Variants in JAK2 observed in about 807,000 individuals in gnomAD.
JAK2 encodes the protein Janus kinase 2.
JAK2 carries 86 observed loss-of-function variants against 139.3 expected under a neutral mutation model. The ratio of observed to expected loss-of-function variants is 0.62; its 90% CI spans 0.52 to 0.74. JAK2 has a LOEUF of 0.74. Among genes scored for constraint, JAK2 ranks in the 30% least tolerant of loss-of-function variants. The pLI is 0.00. For missense variants in JAK2, 1,421 were observed against 1,360.3 expected, an observed-to-expected ratio of 1.04 and a Z score of -0.70; for synonymous variants, 490 against 437.7, an observed-to-expected ratio of 1.12 and a Z score of -1.49.
chr9:5,020,864 G>A (rs1822374984), intron 2 of JAK2, among the ~76,000 whole-genome samples: 1 of 152,146 alleles, frequency 6.6e-6, no homozygotes, highest in Non-Finnish European at 1.5e-5. Context: ...GGGCTGTTGG[G>A]CTCCAGGGTA....
intron 2 of JAK2, among the ~76,000 whole-genome samples, chr9:4,986,314 G>C (rs558026505): frequency 1.3e-4 from 20 of 152,202 alleles, no homozygotes; most frequent in Non-Finnish European, 2.6e-4. Context: ...AGCAGCCAGA[G>C]ATTCTTAATC....
intron 19 of JAK2, among the ~76,000 whole-genome samples, chr9:5,089,379 ATACAAAAAATTAGC>A (rs1820386134): frequency 6.6e-6 from 1 of 152,002 alleles, no homozygotes; most frequent in South Asian, 2.1e-4. Context: ...TCTACTAAAT[ATACAAAAAATTAGC>A]TGGGCGTATT....
intron 14 of JAK2, among the ~76,000 whole-genome samples, chr9:5,075,420 G>T (rs1429518564): frequency 6.6e-6 from 1 of 152,180 alleles, no homozygotes. Flanking sequence ...CTTGCTAAGG[G>T]CCAATGCCAT....
In JAK2 at chr9:5,127,584, T is replaced by G. The variant is rs1824080217; in HGVS notation, c.*793T>G. 1 of 231,526 alleles carries G rather than the reference T, an allele frequency of 4.3e-6. No homozygotes were observed. Among genetic ancestry groups the G allele is most frequent in the African/African-American group, 2.2e-5 (1 of 45,248 alleles). 14.3% of individuals were successfully genotyped at this position (231,526 alleles called of 1,614,324 possible). Reference sequence around the variant, plus strand: ...TTTTTTAAATGGAACTATCTCCAAATTTTTCTAAGACTACTATGAACAGTT... The same window carrying G: ...TTTTTTAAATGGAACTATCTCCAAAGTTTTCTAAGACTACTATGAACAGTT... On this transcript the variant is annotated 3_prime_UTR_variant, in exon 25 of 25. Transcript: ENST00000381652.
intron 9 of JAK2, 108 bp from the exon 10 acceptor site, chr9:5,066,570 G>C (rs1291368854): frequency 1.5e-6 from 1 of 666,564 alleles, no homozygotes; most frequent in Non-Finnish European, 2.7e-6. Flanking sequence ...AAGTAGAGGA[G>C]ACAATTCTGA....
chr9:5,101,422 G>A (rs1194535128), intron 22 of JAK2, among the ~76,000 whole-genome samples: 1 of 152,242 alleles, frequency 6.6e-6, no homozygotes, highest in Admixed American at 6.5e-5. Flanking sequence ...TGCAAGGCCT[G>A]CTGCCTTTGT....
chr9:5,027,858 C>G (rs1039589918), intron 3 of JAK2, among the ~76,000 whole-genome samples: 1 of 152,206 alleles, frequency 6.6e-6, no homozygotes, highest in African/African-American at 2.4e-5. Flanking sequence ...TCAGTCACGT[C>G]TTCAAGCTCC....
rs567545486 is a variant in JAK2 at position 5,086,886 on chromosome 9, A to G, written c.2572-2788A>G. Among the ~76,000 whole-genome samples the G allele has an allele frequency of 6.6e-5, 10 of 152,304 alleles. No individual in the cohort carries two copies. In the South Asian group the frequency reaches 1.0e-3, roughly 16 times the overall value. On this transcript the variant is annotated intron_variant, in intron 19 of 24. Transcript: ENST00000381652. The stretch of plus-strand genomic sequence containing the variant: ...TTGTATCAAGCGCGTTTAAATGTTC[A>G]TATCTTTTAAACTACTTTCGCTGGT...
In JAK2 at chr9:5,072,496, A is replaced by G; in HGVS notation, c.1646A>G (p.Glu549Gly). The G allele has an allele frequency of 6.4e-7, 1 of 1,563,746 alleles. No homozygotes were observed. Residue 549 changes from glutamate to glycine, a missense_variant, in exon 13 of 25, where the codon GAA becomes GGA. Physicochemically the swap from Glu to Gly is moderately conservative, Grantham distance 98 (BLOSUM62 -2). Transcript: ENST00000381652. ...KIRNEDLIFN[E>G]SLGQGTFTKI... is the part of the protein sequence containing the mutation. Reference sequence around the variant, plus strand: ...TTTTACCTTTTTCTCTTGAAGAATGAAAGCCTTGGCCAAGGCACTTTTACA... The same window carrying G: ...TTTTACCTTTTTCTCTTGAAGAATGGAAGCCTTGGCCAAGGCACTTTTACA...
intron 2 of JAK2, among the ~76,000 whole-genome samples, chr9:5,014,291 A>C (rs1821905340): frequency 6.6e-6 from 1 of 151,226 alleles, no homozygotes; most frequent in Non-Finnish European, 1.5e-5. Context: ...GGTGTGAGCC[A>C]CTGTACCCAG....
chr9:5,069,285 GATTTCA>G, intron 11 of JAK2, 77 bp downstream of exon 11: 2 of 876,452 alleles, frequency 2.3e-6, no homozygotes, highest in Non-Finnish European at 3.5e-6. Context: ...TCAGTACATT[GATTTCA>G]AAGGATATAT....
chr9:5,097,239 C>T (rs1420321921), intron 22 of JAK2: 1 of 152,156 alleles, frequency 6.6e-6, no homozygotes, highest in East Asian at 1.9e-4. Context: ...TACAGCAATC[C>T]TACTCCTTTC....
At chr9:5,045,434 A>G (rs1816935560) in intron 5 of JAK2, among the ~76,000 whole-genome samples, 1 of 152,168 alleles carries the variant, frequency 6.6e-6, no homozygotes, top group Non-Finnish European at 1.5e-5. Flanking sequence ...AAAAATGACC[A>G]TTTTAACCAT....
intron 19 of JAK2, among the ~76,000 whole-genome samples, chr9:5,084,715 A>C (rs1449144363): frequency 6.6e-6 from 1 of 152,164 alleles, no homozygotes; most frequent in South Asian, 2.1e-4. Flanking sequence ...TATTTGTGTA[A>C]TAGCCTTACA....
intron 23 of JAK2, 102 bp from the exon 24 acceptor site, chr9:5,126,231 G>C: frequency 1.4e-6 from 1 of 701,168 alleles, no homozygotes; most frequent in Non-Finnish European, 2.4e-6. Context: ...ACATACAAAA[G>C]CACACATATA....
intron 22 of JAK2, among the ~76,000 whole-genome samples, chr9:5,103,464 T>C (rs1322075944): frequency 9.9e-5 from 15 of 151,814 alleles, no homozygotes. Flanking sequence ...TCCCACACAA[T>C]AATAATGGGA....
At chr9:5,079,807 A>G (rs1026627585) in intron 16 of JAK2, among the ~76,000 whole-genome samples, 1 of 152,026 alleles carries the variant, frequency 6.6e-6, no homozygotes, top group African/African-American at 2.4e-5. Flanking sequence ...TGACACAGTG[A>G]CACCCTGTCT....
intron 2 of JAK2, among the ~76,000 whole-genome samples, chr9:4,988,649 A>G (rs141979262): frequency 6.6e-6 from 1 of 152,286 alleles, no homozygotes; most frequent in African/African-American, 2.4e-5. Flanking sequence ...TTCCTCTCCT[A>G]TGTAATATGT....
At chr9:5,120,744 A>G (rs1823551878) in intron 22 of JAK2, among the ~76,000 whole-genome samples, 1 of 152,304 alleles carries the variant, frequency 6.6e-6, no homozygotes, top group African/African-American at 2.4e-5. Flanking sequence ...CTGATTGGAG[A>G]TATTTCTAAG....
Sources: allele counts gnomAD v4.1 joint callset (sites outside exome capture counted in the v4.1 genomes callset), GRCh38; gene constraint gnomAD v4.1.1; transcripts MANE v1.5; gene names NCBI Gene and HGNC (gene_info 2026-07-23, HGNC 2026-07-21).